Variants in RHOJ observed in about 807,000 individuals in gnomAD.
RHOJ encodes ras homolog family member J, also known as rho-related GTP-binding protein RhoJ.
RHOJ carries 11 observed loss-of-function variants against 23.4 expected under a neutral mutation model. The ratio of observed to expected loss-of-function variants is 0.47; its 90% CI spans 0.30 to 0.78. The LOEUF (loss-of-function observed/expected upper bound fraction) is 0.78. Among genes scored for constraint, RHOJ ranks in the 30% least tolerant of loss-of-function variants. RHOJ has a pLI of 0.08. For synonymous variants in RHOJ, 102 were observed against 102.7 expected (o/e 0.99, Z 0.04); for missense variants, 254 against 273.4 (o/e 0.93, Z 0.50).
intron 1 of RHOJ, among the ~76,000 whole-genome samples, chr14:63,249,195 G>A (rs1371324071): frequency 6.6e-6 from 1 of 152,212 alleles, no homozygotes; most frequent in East Asian, 1.9e-4. Flanking sequence ...TGAAGTCCCT[G>A]TCCTTACAGA....
intron 1 of RHOJ, among the ~76,000 whole-genome samples, chr14:63,253,098 A>G (rs1024028231): frequency 7.9e-5 from 12 of 152,108 alleles, no homozygotes; most frequent in African/African-American, 2.7e-4. Flanking sequence ...TTTTCTTATA[A>G]ACTCTTAAAG....
chr14:63,209,653 A>G (rs959591170), intron 1 of RHOJ, among the ~76,000 whole-genome samples: 4 of 152,190 alleles, frequency 2.6e-5, no homozygotes, highest in African/African-American at 9.7e-5. Context: ...GCTTCAAAAA[A>G]CAAAGTCCTG....
chr14:63,225,247 G>A lies in RHOJ; in HGVS notation c.178+20200G>A, dbSNP rs929515615. ...ATTACAGGCGCAAGCCACCATGCCC[G>A]GCCTCATTCATATATTTTTAAACAA... On this transcript the variant is annotated intron_variant, in intron 1 of 4. Coordinates refer to ENST00000316754, the MANE Select transcript of RHOJ (RefSeq NM_020663.5). Among the ~76,000 whole-genome samples the A allele has an allele frequency of 2.2e-4, 33 of 152,172 alleles. 1 individual carries two copies. The highest frequency in any genetic ancestry group is 2.1e-4 in the South Asian group (1 of 4,822).
intron 1 of RHOJ, among the ~76,000 whole-genome samples, chr14:63,254,320 T>C (rs780553877): frequency 1.4e-4 from 21 of 152,152 alleles, no homozygotes; most frequent in Non-Finnish European, 1.8e-4. Context: ...TATGATTTCC[T>C]GGGTGCTGGG....
intron 3 of RHOJ, among the ~76,000 whole-genome samples, chr14:63,282,143 A>G (rs1344141604): frequency 6.6e-6 from 1 of 152,196 alleles, no homozygotes; most frequent in Non-Finnish European, 1.5e-5. Context: ...TGAATTCCAG[A>G]TAATAATATT....
chr14:63,259,777 G>A (rs1161705618), intron 1 of RHOJ, among the ~76,000 whole-genome samples: 1 of 151,960 alleles, frequency 6.6e-6, no homozygotes, highest in African/African-American at 2.4e-5. Flanking sequence ...TAAAAAATAA[G>A]GTTACGTTAT....
intron 4 of RHOJ, among the ~76,000 whole-genome samples, chr14:63,287,887 G>C (rs1037363963): frequency 7.9e-5 from 12 of 152,224 alleles, no homozygotes; most frequent in Admixed American, 3.3e-4. Flanking sequence ...AGATGAAGTT[G>C]CTGCTGTAAT....
At chr14:63,275,512 CCA>C (rs1881688885) in intron 2 of RHOJ, among the ~76,000 whole-genome samples, 2 of 152,040 alleles carry the variant, frequency 1.3e-5, no homozygotes, top group Non-Finnish European at 2.9e-5. Flanking sequence ...TCATAATCAC[CCA>C]CAGTCACCCC....
chr14:63,225,109 A>G (rs1327531076), intron 1 of RHOJ, among the ~76,000 whole-genome samples: 4 of 151,696 alleles, frequency 2.6e-5, no homozygotes, highest in Non-Finnish European at 5.9e-5. Flanking sequence ...CCGCCACTAC[A>G]CCCGTCTAAT....
intron 1 of RHOJ, among the ~76,000 whole-genome samples, chr14:63,235,472 T>C (rs2139626015): frequency 6.6e-6 from 1 of 152,298 alleles, no homozygotes; most frequent in Non-Finnish European, 1.5e-5. Context: ...TGCTAAAGTA[T>C]TTATAGGTAA....
At chr14:63,207,030 CTTTTCT>C (rs1894125430) in intron 1 of RHOJ, among the ~76,000 whole-genome samples, 1 of 144,758 alleles carries the variant, frequency 6.9e-6, no homozygotes, top group African/African-American at 2.7e-5. Context: ...CTTTTCTTTT[CTTTTCT>C]TTTTTTTTTT....
intron 4 of RHOJ, among the ~76,000 whole-genome samples, chr14:63,285,378 T>G (rs942895644): frequency 2.0e-5 from 3 of 152,198 alleles, no homozygotes; most frequent in Non-Finnish European, 4.4e-5. Flanking sequence ...TTCTTTTTTA[T>G]ATACTGGAGT....
At chr14:63,288,274 G>T in intron 4 of RHOJ, 1 of 985,416 alleles carries the variant, frequency 1.0e-6, no homozygotes, top group Non-Finnish European at 1.2e-6. Flanking sequence ...GCACACTGGG[G>T]GCAGGAGGAT....
chr14:63,257,664 A>C (rs534423122), intron 1 of RHOJ, among the ~76,000 whole-genome samples: 31 of 133,434 alleles, frequency 2.3e-4, no homozygotes, highest in East Asian at 4.6e-4. Flanking sequence ...TTCCTTCCCC[A>C]CCCACCCCAT....
intron 1 of RHOJ, among the ~76,000 whole-genome samples, chr14:63,254,150 C>T (rs148449658): frequency 2.6e-5 from 4 of 152,284 alleles, no homozygotes; most frequent in Admixed American, 6.5e-5. Flanking sequence ...TCTCGGCTGT[C>T]AGTGCTGGGA....
intron 4 of RHOJ, among the ~76,000 whole-genome samples, chr14:63,285,026 C>T (rs1217138084): frequency 6.6e-6 from 1 of 152,164 alleles, no homozygotes; most frequent in African/African-American, 2.4e-5. Flanking sequence ...AAGATTTTAA[C>T]TTGTTTTATC....
At chr14:63,239,268 C>T (rs986425649) in intron 1 of RHOJ, among the ~76,000 whole-genome samples, 1 of 152,114 alleles carries the variant, frequency 6.6e-6, no homozygotes, top group African/African-American at 2.4e-5. Flanking sequence ...GCAGCCACTA[C>T]ACCTGGCTAA....
intron 1 of RHOJ, among the ~76,000 whole-genome samples, chr14:63,259,783 G>A (rs1195065546): frequency 2.6e-5 from 4 of 152,132 alleles, no homozygotes; most frequent in African/African-American, 4.8e-5. Flanking sequence ...ATAAGGTTAC[G>A]TTATTTTTAT....
At position 63,292,830 on chromosome 14, in the gene RHOJ, A is replaced by T. The variant is rs1194013833; in HGVS notation, c.*1806A>T. The T allele has an allele frequency of 1.3e-5, 2 of 151,994 alleles. No homozygotes were observed. The highest frequency in any genetic ancestry group is 2.9e-5 in the Non-Finnish European group (2 of 68,036). 9.4% of individuals were successfully genotyped at this position (151,994 alleles called of 1,614,324 possible). The stretch of plus-strand genomic sequence containing the variant: ...GTCAGTTGTAGTGACACATACCTGT[A>T]GTCCCAGCTACTCAGGAGGCTGAGG... On this transcript the variant is annotated 3_prime_UTR_variant, in exon 5 of 5. Transcript: ENST00000316754.
Sources: gnomAD v4.1 joint callset for allele counts (sites outside exome capture counted in the v4.1 genomes callset) on GRCh38, gnomAD v4.1.1 for gene constraint, MANE v1.5 for transcripts, NCBI Gene and HGNC (gene_info 2026-07-23, HGNC 2026-07-21) for gene names.